SPINK1: variants seen among roughly 807,000 people sequenced by gnomAD.
SPINK1 encodes the protein serine protease inhibitor Kazal-type 1.
A neutral mutation model predicts 9.5 loss-of-function variants in SPINK1; 5 were observed. The ratio of observed to expected loss-of-function variants is 0.52; its 90% CI spans 0.27 to 1.10. The LOEUF is 1.10. Among genes scored for constraint, SPINK1 ranks in the 50% least tolerant of loss-of-function variants. The probability of loss-of-function intolerance (pLI) is 0.11; values close to 1 mark genes in which losing one functional copy is unlikely to be tolerated. For missense variants in SPINK1, 88 were observed against 92.7 expected (o/e 0.95, Z 0.21); for synonymous variants, 37 against 32.3 (o/e 1.14, Z -0.49).
At chr5:147,833,399 T>C (rs192601354), upstream of SPINK1, among the ~76,000 whole-genome samples, 714 of 152,316 alleles carry the variant, frequency 4.7e-3, 4 homozygotes, top group Middle Eastern at 0.01. Context: ...TCAAATCTAA[T>C]ATGTTCCATA....
chr5:147,834,790 C>T (rs1756567237), upstream of SPINK1, among the ~76,000 whole-genome samples: 1 of 152,086 alleles, frequency 6.6e-6, no homozygotes, highest in African/African-American at 2.4e-5. Flanking sequence ...GCTTTTTAAA[C>T]ATTTTGACTG....
chr5:147,824,783 GA>G (rs956934809), intron 3 of SPINK1, 77 bp from the exon 4 acceptor site: 9 of 1,298,848 alleles, frequency 6.9e-6, no homozygotes, highest in Non-Finnish European at 8.9e-6. Flanking sequence ...AAAACAGGGG[GA>G]AAAATAACAG....
chr5:147,831,691 C>T (rs1756512380), upstream of SPINK1: 15 of 1,547,890 alleles, frequency 9.7e-6, no homozygotes, highest in Non-Finnish European at 1.2e-5. Context: ...GCCCCACCTA[C>T]TGGGCTATAT....
At chr5:147,837,706 T>TTTCTTTCTTTCTTTCTTTCTTTCTTTCC in the SPINK1 span, among the ~76,000 whole-genome samples, 2 of 148,444 alleles carry the variant, frequency 1.3e-5, no homozygotes, top group South Asian at 2.2e-4. Flanking sequence ...TCTTTCTTTC[T>TTTCTTTCTTTCTTTCTTTCTTTCTTTCC]TTCTTTCTTT....
At chr5:147,831,833 A>G (rs889403178), upstream of SPINK1, 1 of 1,355,926 alleles carries the variant, frequency 7.4e-7, no homozygotes, top group Non-Finnish European at 9.5e-7. Flanking sequence ...TTCTGTCAGG[A>G]AAATAGTTCT....
At chr5:147,827,841 A>G (rs1164158441) in intron 3 of SPINK1, 181 bp downstream of exon 3, 1 of 531,438 alleles carries the variant, frequency 1.9e-6, no homozygotes, top group East Asian at 3.1e-5. Flanking sequence ...TTATCATACA[A>G]GTGACTTCTA....
chr5:147,834,981 T>C (rs1158086738), upstream of SPINK1, among the ~76,000 whole-genome samples: 1 of 152,114 alleles, frequency 6.6e-6, no homozygotes, highest in Non-Finnish European at 1.5e-5. Flanking sequence ...AGAAAAAACA[T>C]TTCACTACAG....
At chr5:147,832,638 A>G (rs1249649801), upstream of SPINK1, among the ~76,000 whole-genome samples, 1 of 152,156 alleles carries the variant, frequency 6.6e-6, no homozygotes, top group East Asian at 1.9e-4. Flanking sequence ...CCCTGCAACT[A>G]TCACTTGATG....
chr5:147,831,708 T>C, upstream of SPINK1: 1 of 1,525,090 alleles, frequency 6.6e-7, no homozygotes, highest in South Asian at 1.2e-5. Context: ...ATATCACAGA[T>C]CTCCCTGGTT....
At chr5:147,836,932 C>G in the SPINK1 span, among the ~76,000 whole-genome samples, 1 of 152,120 alleles carries the variant, frequency 6.6e-6, no homozygotes, top group Non-Finnish European at 1.5e-5. Flanking sequence ...AGTTCTTTCC[C>G]TAAAATAAAT....
At chr5:147,836,027 T>C (rs1455529367), upstream of SPINK1, among the ~76,000 whole-genome samples, 6 of 152,040 alleles carry the variant, frequency 3.9e-5, no homozygotes, top group African/African-American at 1.4e-4. Flanking sequence ...TTAGGAAAGA[T>C]TTACTCACTT....
chr5:147,829,090 A>G (rs377480720), intron 2 of SPINK1, among the ~76,000 whole-genome samples: 14 of 152,324 alleles, frequency 9.2e-5, no homozygotes, highest in Non-Finnish European at 1.8e-4. Context: ...GAACAGGGAC[A>G]CTTCTTCCTC....
At chr5:147,833,092 A>G (rs1251588869), upstream of SPINK1, among the ~76,000 whole-genome samples, 1 of 152,142 alleles carries the variant, frequency 6.6e-6, no homozygotes, top group Non-Finnish European at 1.5e-5. Context: ...TCACACAGAG[A>G]CATGAAGGAA....
At position 147,824,671 on chromosome 5, in the gene SPINK1, C is replaced by T; in HGVS notation, c.230G>A (p.Gly77Glu). The T allele has an allele frequency of 1.2e-6, 2 of 1,613,854 alleles. No individual in the cohort carries two copies. The highest frequency in any genetic ancestry group is 2.2e-5 in the East Asian group (1 of 44,850). Reference protein sequence around the residue: ...RQTSILIQKSGPC With the variant: ...RQTSILIQKSEPC The stretch of plus-strand genomic sequence containing the variant: ...TCAAAACCTTGGTTCTCAGCAAGGC[C>T]CAGATTTTTGAATGAGGATAGAAGT... The change falls in exon 4 of 4, where the codon GGG becomes GAG. Residue 77 changes from glycine to glutamate, a missense_variant. By Grantham distance (98) the Gly-to-Glu change is moderately conservative (BLOSUM62 -2). Transcript: ENST00000296695.
At chr5:147,835,333 T>G (rs1756578757), upstream of SPINK1, among the ~76,000 whole-genome samples, 1 of 152,138 alleles carries the variant, frequency 6.6e-6, no homozygotes, top group Non-Finnish European at 1.5e-5. Context: ...TAGCTAGTAA[T>G]AATATCACCC....
upstream of SPINK1, chr5:147,831,916 C>T (rs1580944141): frequency 1.2e-6 from 1 of 844,844 alleles, no homozygotes. Flanking sequence ...TGTTTTCTCA[C>T]CTGTAAGATG....
rs372002805 is a variant in SPINK1 at position 147,829,581 on chromosome 5, T to C, written c.87+18A>G. The C allele has an allele frequency of 5.6e-6, 9 of 1,611,004 alleles. No individual in the cohort carries two copies. Among genetic ancestry groups the C allele is most frequent in the Non-Finnish European group, 7.6e-6 (9 of 1,177,836 alleles). ...CTGTTCCAGTCTGAGAAATAAGAAA[T>C]TACAAATATCTCTTTACCTCTCTTC... On this transcript the variant is annotated intron_variant, in intron 2 of 3. Coordinates refer to ENST00000296695, the MANE Select transcript of SPINK1 (RefSeq NM_001379610.1).
intron 1 of SPINK1, 103 bp from the exon 2 acceptor site, chr5:147,829,733 C>T (rs1756476349): frequency 1.9e-6 from 2 of 1,061,350 alleles, no homozygotes; most frequent in Non-Finnish European, 2.9e-6. Context: ...GACTTCTTTA[C>T]TAGGCTCTTT....
chr5:147,825,040 C>T (rs185287654), intron 3 of SPINK1, among the ~76,000 whole-genome samples: 21 of 152,280 alleles, frequency 1.4e-4, no homozygotes, highest in Admixed American at 1.0e-3. Context: ...CCTCTGCCTT[C>T]GCCACCAGGT....
Sources: gnomAD v4.1 joint callset for allele counts (sites outside exome capture counted in the v4.1 genomes callset) on GRCh38, gnomAD v4.1.1 for gene constraint, MANE v1.5 for transcripts, NCBI Gene and HGNC (gene_info 2026-07-23, HGNC 2026-07-21) for gene names.